FKBP1B: variants seen among roughly 807,000 people sequenced by gnomAD.
FKBP1B encodes FKBP prolyl isomerase 1B.
FKBP1B carries 4 observed loss-of-function variants against 13.5 expected under a neutral mutation model. The observed-to-expected ratio is 0.30, with a 90% CI of 0.15 to 0.68. The LOEUF is 0.68. Among genes scored for constraint, FKBP1B ranks in the 30% least tolerant of loss-of-function variants. The pLI is 0.76. For missense variants in FKBP1B, 93 were observed against 136.2 expected (o/e 0.68, Z 1.58); for synonymous variants, 54 against 53.6 (o/e 1.01, Z -0.03).
the FKBP1B span, chr2:24,038,297 G>GT: frequency 6.2e-7 from 1 of 1,614,160 alleles, no homozygotes; most frequent in Admixed American, 1.7e-5. Flanking sequence ...ACCAAAATTA[G>GT]TAATAGTTGG....
chr2:24,047,098 C>A (rs1663649908), upstream of FKBP1B, among the ~76,000 whole-genome samples: 1 of 152,090 alleles, frequency 6.6e-6, no homozygotes, highest in Non-Finnish European at 1.5e-5. Flanking sequence ...GTGTTATTCA[C>A]GAGTCACGGT....
chr2:24,051,630 T>TGCTGG (rs1399943550), intron 1 of FKBP1B, among the ~76,000 whole-genome samples: 3 of 152,226 alleles, frequency 2.0e-5, no homozygotes, highest in Non-Finnish European at 2.9e-5. Flanking sequence ...TTCCCGCTAT[T>TGCTGG]GCTGGACTGA....
the FKBP1B span, among the ~76,000 whole-genome samples, chr2:24,034,765 G>T: frequency 4.6e-5 from 7 of 151,962 alleles, no homozygotes; most frequent in Non-Finnish European, 1.0e-4. Flanking sequence ...GGTAGAGACA[G>T]GGTTTTGCCA....
intron 3 of FKBP1B, among the ~76,000 whole-genome samples, chr2:24,062,265 C>G (rs943578865): frequency 1.3e-4 from 20 of 152,094 alleles, no homozygotes; most frequent in African/African-American, 4.1e-4. Context: ...CTCCTCCTCC[C>G]AGGTTCAAGC....
intron 3 of FKBP1B, among the ~76,000 whole-genome samples, chr2:24,061,719 T>C (rs1055080003): frequency 7.2e-5 from 11 of 152,220 alleles, no homozygotes; most frequent in Non-Finnish European, 1.6e-4. Context: ...AAATTTTTGA[T>C]TATTCAAAAT....
chr2:24,063,002 T>C, intron 3 of FKBP1B, 62 bp from the exon 4 acceptor site: 1 of 1,613,658 alleles, frequency 6.2e-7, no homozygotes, highest in Non-Finnish European at 8.5e-7. Context: ...CATCTAACTT[T>C]TTTCTTTTAA....
chr2:24,038,593 A>G, the FKBP1B span: 3 of 1,614,016 alleles, frequency 1.9e-6, no homozygotes, highest in Non-Finnish European at 1.7e-6. Flanking sequence ...TCTTAGACAA[A>G]TAAGAGAATT....
the FKBP1B span, among the ~76,000 whole-genome samples, chr2:24,042,408 C>T: frequency 4.0e-5 from 6 of 151,856 alleles, no homozygotes; most frequent in Non-Finnish European, 7.4e-5. Context: ...TGTTGGCGGG[C>T]GCCTGTAGTC....
intron 2 of FKBP1B, among the ~76,000 whole-genome samples, chr2:24,056,683 G>A (rs1664143120): frequency 6.6e-6 from 1 of 151,858 alleles, no homozygotes; most frequent in Non-Finnish European, 1.5e-5. Flanking sequence ...AGAAAATTAG[G>A]TTGTCTTTTT....
chr2:24,049,812 A>C lies in FKBP1B; in HGVS notation c.-38A>C, dbSNP rs1451026477. 3.0e-6 allele frequency: 4 copies of C among 1,336,376 alleles called. No homozygotes were observed. The South Asian group carries it at 7.4e-5, about 25-fold the overall frequency. 82.8% of individuals were successfully genotyped at this position (1,336,376 alleles called of 1,614,324 possible). On this transcript the variant is annotated 5_prime_UTR_variant, in exon 1 of 4. Transcript: ENST00000380986. ...CGGAGCCGAGCCGGGGTCGGGCAGC[A>C]GCAGGGACCCCCCAGAGGCGGGGCC... is the stretch of plus-strand genomic sequence containing the variant.
chr2:24,038,203 A>G, the FKBP1B span: 2 of 1,614,216 alleles, frequency 1.2e-6, no homozygotes, highest in East Asian at 2.2e-5. Context: ...TTCCAACATT[A>G]TTTCTCTAAC....
At chr2:24,037,832 A>T in the FKBP1B span, 1 of 1,614,174 alleles carries the variant, frequency 6.2e-7, no homozygotes, top group Non-Finnish European at 8.5e-7. Context: ...GACAGCTGAT[A>T]AGTTTCCTTT....
chr2:24,059,894 CAAAAAA>C (rs10679224), intron 2 of FKBP1B, among the ~76,000 whole-genome samples: 1 of 49,818 alleles, frequency 2.0e-5, no homozygotes, highest in South Asian at 1.2e-3. Flanking sequence ...GACTCCGACT[CAAAAAA>C]AAAAAAAAAA....
upstream of FKBP1B, among the ~76,000 whole-genome samples, chr2:24,047,089 T>C (rs1317038011): frequency 1.3e-5 from 2 of 151,740 alleles, no homozygotes; most frequent in African/African-American, 2.4e-5. Context: ...TTCCCAGGAG[T>C]GTTATTCACG....
intron 1 of FKBP1B, 107 bp from the exon 2 acceptor site, chr2:24,053,795 G>A: frequency 1.9e-6 from 2 of 1,064,120 alleles, no homozygotes; most frequent in Non-Finnish European, 2.9e-6. Context: ...GCATCTCCAT[G>A]GCATGGAGGG....
chr2:24,040,788 G>A, the FKBP1B span, among the ~76,000 whole-genome samples: 7 of 152,160 alleles, frequency 4.6e-5, no homozygotes, highest in South Asian at 8.3e-4. Flanking sequence ...AGGCTGAGAC[G>A]GGAGGATCAC....
intron 1 of FKBP1B, among the ~76,000 whole-genome samples, chr2:24,052,642 G>A (rs938529165): frequency 9.9e-5 from 15 of 152,048 alleles, no homozygotes; most frequent in South Asian, 2.1e-4. Flanking sequence ...TAATCATTTT[G>A]TATATTTAAG....
chr2:24,060,040 T>G (rs572051391), intron 2 of FKBP1B, among the ~76,000 whole-genome samples: 1 of 152,000 alleles, frequency 6.6e-6, no homozygotes, highest in African/African-American at 2.4e-5. Flanking sequence ...AGTGCCTGTA[T>G]GCAAGGTAGG....
At chr2:24,052,809 T>A (rs1287657308) in intron 1 of FKBP1B, among the ~76,000 whole-genome samples, 2 of 151,948 alleles carry the variant, frequency 1.3e-5, no homozygotes, top group African/African-American at 4.8e-5. Context: ...TCTACAAATT[T>A]TTTTTAAAAA....
Sources: gnomAD v4.1 joint callset for allele counts (sites outside exome capture counted in the v4.1 genomes callset) on GRCh38, gnomAD v4.1.1 for gene constraint, MANE v1.5 for transcripts, NCBI Gene and HGNC (gene_info 2026-07-23, HGNC 2026-07-21) for gene names.